The following PPP2CA variants were observed in gnomAD, a reference collection of about 807,000 sequenced individuals.
PPP2CA encodes serine/threonine-protein phosphatase 2A catalytic subunit alpha isoform.
A neutral mutation model predicts 38.8 loss-of-function variants in PPP2CA; 5 were observed. That is an observed-to-expected ratio of 0.13 (90% CI 0.07 to 0.27). PPP2CA has a LOEUF of 0.27. PPP2CA is among the 10% of genes least tolerant of loss of function. PPP2CA has a pLI of 1.00. For synonymous variants in PPP2CA, 152 were observed against 134.0 expected (o/e 1.13, Z -0.93); for missense variants, 88 against 389.7 (o/e 0.23, Z 6.52).
chr5:134,198,738 G>A (rs1761912583), intron 6 of PPP2CA, among the ~76,000 whole-genome samples: 1 of 152,050 alleles, frequency 6.6e-6, no homozygotes, highest in African/African-American at 2.4e-5. Context: ...GCTAATTTTT[G>A]TATTTTTAGT....
chr5:134,224,012 CAGA>C (rs1762502944), intron 1 of PPP2CA, among the ~76,000 whole-genome samples: 5 of 152,186 alleles, frequency 3.3e-5, no homozygotes, highest in African/African-American at 9.7e-5. Context: ...CAAGTAAGAG[CAGA>C]AGGACTCATG....
intron 1 of PPP2CA, among the ~76,000 whole-genome samples, chr5:134,211,856 G>A (rs374772839): frequency 1.3e-5 from 2 of 152,036 alleles, no homozygotes; most frequent in African/African-American, 4.8e-5. Context: ...AGTGGCTCAC[G>A]CCTGTAATCC....
intron 3 of PPP2CA, among the ~76,000 whole-genome samples, chr5:134,201,587 G>C (rs550578882): frequency 6.6e-6 from 1 of 152,312 alleles, no homozygotes; most frequent in Admixed American, 6.5e-5. Flanking sequence ...TCCAAAAACA[G>C]TCTGAGAGGG....
Position 134,195,568 on chromosome 5 carries a change from T to G in PPP2CA, c.*2204A>C, listed in dbSNP as rs142542194. The stretch of plus-strand genomic sequence containing the variant: ...AGGCCTGTTCTTAGGGAAAGCTTTT[T>G]AGGTTTATTAATGAAAATCCTAATG... On this transcript the variant is annotated 3_prime_UTR_variant, in exon 7 of 7. Transcript: ENST00000481195. 7.2e-5 allele frequency: 11 copies of G among 152,316 alleles called. No individual in the cohort carries two copies. Among genetic ancestry groups the G allele is most frequent in the African/African-American group, 2.6e-4 (11 of 41,566 alleles). The allele number at this position is 152,316 out of a possible 1,614,324, so 9.4% of individuals were successfully genotyped here. A position where few individuals can be genotyped will look rare whatever the true frequency, so the allele number is the denominator to read the frequency against.
intron 1 of PPP2CA, among the ~76,000 whole-genome samples, chr5:134,216,603 G>GGTCT (rs1161100149): frequency 6.7e-6 from 1 of 148,834 alleles, no homozygotes; most frequent in African/African-American, 2.5e-5. Flanking sequence ...AGAACCCCAA[G>GGTCT]GTCTATACTG....
intron 1 of PPP2CA, among the ~76,000 whole-genome samples, chr5:134,210,207 G>C (rs1053498953): frequency 1.3e-5 from 2 of 152,124 alleles, no homozygotes; most frequent in Admixed American, 6.5e-5. Flanking sequence ...GCGGCTTTAT[G>C]GATCACCTCC....
rs1199000447 is a variant in PPP2CA, at chr5:134,196,095, T to C, written c.*1677A>G. On this transcript the variant is annotated 3_prime_UTR_variant, in exon 7 of 7. Transcript: ENST00000481195. ...TGTGAAAGAAAAGAATGAAATGAAA[T>C]GAAATGTAGAAACCCTAATGGCCTT... 6.6e-6 allele frequency: 1 copy of C among 152,124 alleles called. No homozygotes were observed. The highest frequency in any genetic ancestry group is 1.5e-5 in the Non-Finnish European group (1 of 68,010). 9.4% of individuals were successfully genotyped at this position (152,124 alleles called of 1,614,324 possible).
intron 1 of PPP2CA, chr5:134,225,508 G>A: frequency 2.3e-6 from 1 of 430,006 alleles, no homozygotes; most frequent in South Asian, 3.1e-5. Flanking sequence ...CTGGCGCCAA[G>A]GCCGGCTGAC....
At chr5:134,218,357 C>T (rs1213565293) in intron 1 of PPP2CA, among the ~76,000 whole-genome samples, 1 of 152,084 alleles carries the variant, frequency 6.6e-6, no homozygotes, top group Non-Finnish European at 1.5e-5. Flanking sequence ...TGAGTTTTCC[C>T]ATCTGTTTCT....
At position 134,199,178 on chromosome 5, in the gene PPP2CA, A is replaced by G. The variant is rs779025204; in HGVS notation, c.765T>C (p.Asn255=). 26 of 1,613,920 alleles carry G rather than the reference A, an allele frequency of 1.6e-5. No individual in the cohort carries two copies. The highest frequency in any genetic ancestry group is 2.2e-5 in the Non-Finnish European group (26 of 1,179,918). The change falls in exon 6 of 7, where the codon AAT becomes AAC. Residue 255 remains asparagine, a synonymous_variant. Transcript: ENST00000481195. ...TTGGAGCACTGAAAATCGTTACTAC[A>G]TTCCGGTCATGGCACCAGTTATATC... ...MEGYNWCHDR[N]VVTIFSAPNY...
At chr5:134,210,348 T>TA (rs1400003134) in intron 1 of PPP2CA, among the ~76,000 whole-genome samples, 1 of 152,204 alleles carries the variant, frequency 6.6e-6, no homozygotes, top group African/African-American at 2.4e-5. Flanking sequence ...TGAGGTTTTT[T>TA]ATTTTTAATA....
intron 2 of PPP2CA, among the ~76,000 whole-genome samples, chr5:134,203,128 T>A (rs1762003902): frequency 6.6e-6 from 1 of 152,190 alleles, no homozygotes; most frequent in South Asian, 2.1e-4. Flanking sequence ...ACAAGTACTT[T>A]TTTTCTGGTG....
intron 1 of PPP2CA, among the ~76,000 whole-genome samples, chr5:134,209,342 G>A (rs895846684): frequency 6.6e-6 from 1 of 151,934 alleles, no homozygotes; most frequent in Admixed American, 6.6e-5. Flanking sequence ...ACCTTGGAAA[G>A]AACCAGTTTT....
In PPP2CA at chr5:134,199,072, G is replaced by A. The variant is rs2149382638; in HGVS notation, c.857+14C>T. On this transcript the variant is annotated intron_variant, in intron 6 of 6. Transcript: ENST00000481195. ...TTCAGTAATGCAAGAAAATGTTCAG[G>A]TAGAATTACTTACAAAGAGTATTTT... 5 of 1,571,604 alleles carry A rather than the reference G, an allele frequency of 3.2e-6. No homozygotes were observed. The highest frequency in any genetic ancestry group is 4.4e-6 in the Non-Finnish European group (5 of 1,141,568).
At chr5:134,198,027 T>C (rs1554111981) in intron 6 of PPP2CA, among the ~76,000 whole-genome samples, 183 bp from the exon 7 acceptor site, 1 of 152,214 alleles carries the variant, frequency 6.6e-6, no homozygotes, top group Non-Finnish European at 1.5e-5. Flanking sequence ...CAAGGCAACT[T>C]CAGCCACAGA....
Position 134,195,285 on chromosome 5 carries a change from C to CT in PPP2CA, c.*2486dup, listed in dbSNP as rs766635221. The CT allele has an allele frequency of 4.6e-5, 7 of 152,300 alleles. No individual in the cohort carries two copies. In the East Asian group the frequency reaches 1.2e-3, roughly 25 times the overall value. 9.4% of individuals were successfully genotyped at this position (152,300 alleles called of 1,614,324 possible). On this transcript the variant is annotated 3_prime_UTR_variant, in exon 7 of 7. Coordinates refer to ENST00000481195, the MANE Select transcript of PPP2CA (RefSeq NM_002715.4). ...TTTATTTTTGAGACAGGGTCTGGCT[C>CT]TGTCACCCAGACTGGAGTACAGTGG...
At position 134,224,794 on chromosome 5, in the gene PPP2CA, T is replaced by C. The variant is rs75394735; in HGVS notation, c.102+966A>G. On this transcript the variant is annotated intron_variant, in intron 1 of 6. Transcript: ENST00000481195. ...TGTTACTAAGTGGACTACAACATTC[T>C]ATTTTCAGTGTATGTGAGACATTAT... 6.6e-4 allele frequency among the ~76,000 whole-genome samples: 101 copies of C among 152,372 alleles called. No homozygotes were observed. In the East Asian group the frequency reaches 0.018, roughly 28 times the overall value.
At position 134,201,864 on chromosome 5, in the gene PPP2CA, G is replaced by A; in HGVS notation, c.470C>T (p.Ala157Val). Residue 157 changes from alanine to valine, a missense_variant, in exon 3 of 7, where the codon GCC (alanine) becomes GTC (valine). Physicochemically the swap from Ala to Val is moderately conservative, Grantham distance 64. Around this residue, in one of 4 missense-constraint regions of PPP2CA, gnomAD observed 36 missense variants for 259.8 expected, o/e 0.14. Coordinates refer to ENST00000481195, the MANE Select transcript of PPP2CA (RefSeq NM_002715.4). ...TDLFDYLPLT[A>V]LVDGQIFCLH... is the part of the protein sequence containing the mutation. ...TCCACATACCTGCCCATCCACCAAG[G>A]CAGTGAGAGGAAGATAGTCAAAAAG... 1 of 1,613,532 alleles carries A rather than the reference G, an allele frequency of 6.2e-7. No homozygotes were observed. The highest frequency in any genetic ancestry group is 8.5e-7 in the Non-Finnish European group (1 of 1,179,768).
intron 5 of PPP2CA, 27 bp from the exon 6 acceptor site, chr5:134,199,231 T>A (rs1344729342): frequency 1.3e-6 from 2 of 1,518,720 alleles, no homozygotes; most frequent in Admixed American, 3.4e-5. Context: ...ACAAAAATCT[T>A]ACTTTACTCC....
Sources: gnomAD v4.1 joint callset for allele counts (sites outside exome capture counted in the v4.1 genomes callset) on GRCh38, gnomAD v4.1.1 for gene constraint, gnomAD v4.1.1 regional missense constraint, MANE v1.5 for transcripts, NCBI Gene and HGNC (gene_info 2026-07-23, HGNC 2026-07-21) for gene names.